Variants in PHKB observed in about 807,000 individuals in gnomAD.
The protein encoded by PHKB is phosphorylase b kinase regulatory subunit beta.
In PHKB, 122 loss-of-function variants were observed where a neutral mutation model predicts 152.1. That is an observed-to-expected ratio of 0.80 (90% CI 0.69 to 0.93). PHKB has a LOEUF of 0.93. PHKB is among the 40% of genes least tolerant of loss of function. The pLI is 0.00. For synonymous variants in PHKB, 436 were observed against 464.9 expected (o/e 0.94, Z 0.80); for missense variants, 1,304 against 1,328.4 (o/e 0.98, Z 0.29).
chr16:47,472,137 T>G (rs1969780893), intron 1 of PHKB, among the ~76,000 whole-genome samples: 1 of 152,226 alleles, frequency 6.6e-6, no homozygotes, highest in African/African-American at 2.4e-5. Context: ...TATATCATGA[T>G]GCTATTCTGT....
chr16:47,681,172 G>A (rs972646500), intron 26 of PHKB, among the ~76,000 whole-genome samples: 46 of 152,196 alleles, frequency 3.0e-4, no homozygotes, highest in African/African-American at 9.6e-4. Flanking sequence ...CATTTGCTGA[G>A]GAGTGCTTTA....
chr16:47,544,748 C>G (rs953102007), intron 6 of PHKB, among the ~76,000 whole-genome samples: 1 of 152,134 alleles, frequency 6.6e-6, no homozygotes, highest in African/African-American at 2.4e-5. Flanking sequence ...TCTCTAAGGA[C>G]TTGCTTTATG....
chr16:47,557,435 A>C (rs1971394827), intron 7 of PHKB, among the ~76,000 whole-genome samples: 1 of 152,232 alleles, frequency 6.6e-6, no homozygotes, highest in Non-Finnish European at 1.5e-5. Flanking sequence ...CTACCACCAG[A>C]GTGAACAGGC....
intron 27 of PHKB, 26 bp downstream of exon 27, chr16:47,689,201 A>C (rs200163244): frequency 1.2e-6 from 2 of 1,606,908 alleles, no homozygotes; most frequent in Admixed American, 1.7e-5. Context: ...TGTTACCTAC[A>C]TGATACTCTG....
At chr16:47,635,168 G>A (rs1021470154) in intron 14 of PHKB, among the ~76,000 whole-genome samples, 5 of 152,114 alleles carry the variant, frequency 3.3e-5, no homozygotes, top group African/African-American at 9.7e-5. Flanking sequence ...TTAGCAGCAC[G>A]TCACAGAGGC....
At chr16:47,621,617 T>C (rs573665328) in intron 14 of PHKB, among the ~76,000 whole-genome samples, 1 of 152,314 alleles carries the variant, frequency 6.6e-6, no homozygotes, top group South Asian at 2.1e-4. Flanking sequence ...TTCACTAGCT[T>C]GGCAAAGAAA....
At chr16:47,663,837 T>G in intron 24 of PHKB, 103 bp downstream of exon 24, 1 of 791,210 alleles carries the variant, frequency 1.3e-6, no homozygotes, top group Non-Finnish European at 2.2e-6. Context: ...CATCCTAATT[T>G]TTACTTTTAA....
At chr16:47,517,317 A>T (rs967318681) in intron 6 of PHKB, among the ~76,000 whole-genome samples, 8 of 150,914 alleles carry the variant, frequency 5.3e-5, no homozygotes, top group Non-Finnish European at 1.0e-4. Flanking sequence ...GTGCAGTAAC[A>T]CCGTTTCAGC....
At chr16:47,586,408 A>G (rs886221994) in intron 8 of PHKB, among the ~76,000 whole-genome samples, 3 of 152,220 alleles carry the variant, frequency 2.0e-5, no homozygotes, top group Non-Finnish European at 4.4e-5. Flanking sequence ...GGTGGTTGAG[A>G]GACAGCCTCA....
chr16:47,576,078 AAAAAC>A (rs1018001597), intron 7 of PHKB, among the ~76,000 whole-genome samples: 2 of 152,186 alleles, frequency 1.3e-5, no homozygotes, highest in African/African-American at 4.8e-5. Flanking sequence ...CTCTGTCTCA[AAAAAC>A]AAAACAAAAC....
chr16:47,598,952 T>A, intron 13 of PHKB: 2 of 1,468,620 alleles, frequency 1.4e-6, no homozygotes, highest in Non-Finnish European at 1.9e-6. Context: ...TGTGGAGTAT[T>A]GCACACAGCC....
At chr16:47,681,786 G>C (rs1225464666) in intron 26 of PHKB, among the ~76,000 whole-genome samples, 1 of 152,106 alleles carries the variant, frequency 6.6e-6, no homozygotes, top group Non-Finnish European at 1.5e-5. Context: ...AGTTAATATT[G>C]TTATTTGTGT....
At chr16:47,595,702 A>G (rs1300003831) in intron 12 of PHKB, among the ~76,000 whole-genome samples, 1 of 152,138 alleles carries the variant, frequency 6.6e-6, no homozygotes, top group Non-Finnish European at 1.5e-5. Flanking sequence ...GGCTCTAAGT[A>G]TTTGCATACT....
intron 14 of PHKB, among the ~76,000 whole-genome samples, chr16:47,638,122 TGCACATTCAGACCATA>T (rs1972954104): frequency 6.6e-6 from 1 of 152,046 alleles, no homozygotes; most frequent in African/African-American, 2.4e-5. Flanking sequence ...AGGAGGAACA[TGCACATTCAGACCATA>T]GCATTAAAGA....
At chr16:47,489,941 C>G (rs1185745443) in intron 1 of PHKB, among the ~76,000 whole-genome samples, 2 of 152,140 alleles carry the variant, frequency 1.3e-5, no homozygotes, top group Non-Finnish European at 2.9e-5. Flanking sequence ...CATGAGGAAT[C>G]AGGCAGAGAG....
chr16:47,583,465 C>T (rs1338847387), intron 8 of PHKB, among the ~76,000 whole-genome samples: 1 of 152,166 alleles, frequency 6.6e-6, no homozygotes, highest in African/African-American at 2.4e-5. Context: ...ATAGAAACCA[C>T]CTCAAGACTT....
intron 7 of PHKB, among the ~76,000 whole-genome samples, chr16:47,562,868 G>A (rs1031875925): frequency 1.3e-5 from 2 of 152,136 alleles, no homozygotes; most frequent in Non-Finnish European, 2.9e-5. Flanking sequence ...CCCAAACCCT[G>A]CCACTGCTTT....
In PHKB at chr16:47,509,460, G is replaced by A. The variant is rs532938050; in HGVS notation, c.406-2205G>A. ...TGTTTGTGTAGGGCACTTGGAGATG[G>A]TAAAGATGTAACCTCCCTCTAGAAC... On this transcript the variant is annotated intron_variant, in intron 4 of 30. Transcript: ENST00000323584. Among the ~76,000 whole-genome samples the A allele has an allele frequency of 4.6e-5, 7 of 152,210 alleles. No individual in the cohort carries two copies. In the East Asian group the frequency reaches 1.4e-3, roughly 29 times the overall value.
intron 26 of PHKB, among the ~76,000 whole-genome samples, chr16:47,679,172 G>A (rs746566617): frequency 1.7e-4 from 26 of 152,022 alleles, no homozygotes; most frequent in Non-Finnish European, 3.2e-4. Context: ...TGGTTACTGT[G>A]GCCTTGTAGT....
Sources: allele counts gnomAD v4.1 joint callset (sites outside exome capture counted in the v4.1 genomes callset), GRCh38; gene constraint gnomAD v4.1.1; transcripts MANE v1.5; gene names NCBI Gene and HGNC (gene_info 2026-07-23, HGNC 2026-07-21).